The following RHOU variants were observed in gnomAD, a reference collection of about 807,000 sequenced individuals.
The protein encoded by RHOU is rho-related GTP-binding protein RhoU.
Under a neutral mutation model 12.6 loss-of-function variants are expected in RHOU, and 8 were observed. The ratio of observed to expected loss-of-function variants is 0.64; its 90% CI spans 0.37 to 1.15. RHOU has a LOEUF of 1.15. Among genes scored for constraint, RHOU ranks in the 50% most tolerant of loss-of-function variants. The pLI, the probability that RHOU is intolerant of heterozygous loss-of-function variation, is 0.01. For synonymous variants in RHOU, 161 were observed against 147.4 expected (o/e 1.09, Z -0.67); for missense variants, 258 against 347.0 (o/e 0.74, Z 2.04).
chr1:228,741,761 G>C (rs889664465), intron 2 of RHOU, among the ~76,000 whole-genome samples: 3 of 152,182 alleles, frequency 2.0e-5, no homozygotes, highest in African/African-American at 7.2e-5. Flanking sequence ...CCCTGCCTCA[G>C]CTTCCCAAGT....
At chr1:228,663,600 T>TTTTTC in the RHOU span, among the ~76,000 whole-genome samples, 5,071 of 89,718 alleles carry the variant, frequency 0.057, 369 homozygotes, top group East Asian at 0.17. Context: ...TTCTTTTCTG[T>TTTTTC]TTTTCTTTTC....
chr1:228,677,927 G>A, the RHOU span, among the ~76,000 whole-genome samples: 1 of 152,152 alleles, frequency 6.6e-6, no homozygotes, highest in African/African-American at 2.4e-5. Flanking sequence ...TGACAAAAGG[G>A]AAGAAATGAC....
the RHOU span, chr1:228,652,603 A>G: frequency 6.6e-6 from 1 of 152,180 alleles, no homozygotes; most frequent in African/African-American, 2.4e-5. Context: ...CATTTCCAGA[A>G]CTTTCTTTTT....
At chr1:228,698,011 G>T in the RHOU span, among the ~76,000 whole-genome samples, 7 of 152,302 alleles carry the variant, frequency 4.6e-5, no homozygotes, top group South Asian at 1.5e-3. Flanking sequence ...TGTAATTTCA[G>T]ACATTCTGTG....
At chr1:228,683,259 G>A in the RHOU span, among the ~76,000 whole-genome samples, 2 of 152,142 alleles carry the variant, frequency 1.3e-5, no homozygotes, top group African/African-American at 4.8e-5. Context: ...AGAGGCAACC[G>A]GTCCACCTGT....
the RHOU span, among the ~76,000 whole-genome samples, chr1:228,727,890 G>A: frequency 6.6e-6 from 1 of 152,182 alleles, no homozygotes; most frequent in African/African-American, 2.4e-5. Flanking sequence ...TTTCTAATGA[G>A]TTCTTATCAT....
upstream of RHOU, among the ~76,000 whole-genome samples, chr1:228,731,408 G>A (rs1662493637): frequency 6.6e-6 from 1 of 152,172 alleles, no homozygotes. Context: ...ATTCAGTTGA[G>A]CCCAGAAAGA....
intron 2 of RHOU, among the ~76,000 whole-genome samples, chr1:228,741,308 G>A (rs1346352271): frequency 6.6e-6 from 1 of 152,134 alleles, no homozygotes. Flanking sequence ...AAGATTTCAG[G>A]TCAGGCACTG....
chr1:228,712,828 T>TAAATAAAATA, the RHOU span, among the ~76,000 whole-genome samples: 42 of 119,160 alleles, frequency 3.5e-4, no homozygotes, highest in Middle Eastern at 5.4e-3. Context: ...AATAAATAAA[T>TAAATAAAATA]AAATAAAATA....
chr1:228,714,847 G>A, the RHOU span, among the ~76,000 whole-genome samples: 6 of 146,234 alleles, frequency 4.1e-5, 1 homozygote, highest in South Asian at 1.1e-3. Flanking sequence ...GGGTTCAAGC[G>A]ATTCTTCTGC....
the RHOU span, among the ~76,000 whole-genome samples, chr1:228,703,443 G>A: frequency 1.3e-4 from 20 of 151,778 alleles, no homozygotes; most frequent in Non-Finnish European, 2.1e-4. Context: ...GGAGAATGGC[G>A]TGAACCCGGG....
At chr1:228,727,621 T>C in the RHOU span, among the ~76,000 whole-genome samples, 1 of 152,222 alleles carries the variant, frequency 6.6e-6, no homozygotes, top group Non-Finnish European at 1.5e-5. Flanking sequence ...CAGCAATGAA[T>C]TTTGACAACT....
the RHOU span, among the ~76,000 whole-genome samples, chr1:228,667,525 T>C: frequency 1.1e-4 from 17 of 152,194 alleles, no homozygotes; most frequent in Non-Finnish European, 2.5e-4. Context: ...ACTTCACAGT[T>C]GCTTGGCCTG....
chr1:228,698,681 T>C, the RHOU span, among the ~76,000 whole-genome samples: 1 of 152,264 alleles, frequency 6.6e-6, no homozygotes, highest in African/African-American at 2.4e-5. Flanking sequence ...GAAGGCCTCC[T>C]GGCAATGTTC....
chr1:228,701,480 A>G, the RHOU span, among the ~76,000 whole-genome samples: 1 of 152,084 alleles, frequency 6.6e-6, no homozygotes, highest in Non-Finnish European at 1.5e-5. Context: ...AAAATTTTTT[A>G]TTATCTCTTA....
At chr1:228,647,719 G>T in the RHOU span, among the ~76,000 whole-genome samples, 3 of 152,202 alleles carry the variant, frequency 2.0e-5, no homozygotes, top group African/African-American at 7.2e-5. Context: ...GCTGGATCCG[G>T]TTTCATCGTG....
chr1:228,705,464 C>A, the RHOU span, among the ~76,000 whole-genome samples: 1 of 152,058 alleles, frequency 6.6e-6, no homozygotes, highest in African/African-American at 2.4e-5. Context: ...ACATTGAATG[C>A]CTTTGGCTCT....
At chr1:228,739,396 T>G (rs1303510405) in intron 2 of RHOU, among the ~76,000 whole-genome samples, 1 of 151,960 alleles carries the variant, frequency 6.6e-6, no homozygotes, top group Admixed American at 6.6e-5. Flanking sequence ...AAACCCCGTC[T>G]CTACTAAAAA....
the RHOU span, among the ~76,000 whole-genome samples, chr1:228,649,019 C>T: frequency 2.0e-5 from 3 of 152,108 alleles, no homozygotes; most frequent in Non-Finnish European, 2.9e-5. Context: ...GCGCACCAAC[C>T]TCGCCTGGCT....
Sources: allele counts gnomAD v4.1 joint callset (sites outside exome capture counted in the v4.1 genomes callset), GRCh38; gene constraint gnomAD v4.1.1; transcripts MANE v1.5; gene names NCBI Gene and HGNC (gene_info 2026-07-23, HGNC 2026-07-21).